Variants in BMI1 observed in about 807,000 individuals in gnomAD.
BMI1 encodes the protein BMI1 proto-oncogene, polycomb ring finger, also known as polycomb complex protein BMI-1.
BMI1 carries 9 observed loss-of-function variants against 39.1 expected under a neutral mutation model. The observed-to-expected ratio is 0.23, with a 90% confidence interval of 0.14 to 0.40. The LOEUF (loss-of-function observed/expected upper bound fraction) is 0.40. BMI1 is among the 10% of genes least tolerant of loss of function. The pLI, the probability that BMI1 is intolerant of heterozygous loss-of-function variation, is 1.00. For synonymous variants in BMI1, 131 were observed against 127.9 expected, an observed-to-expected ratio of 1.02 and a Z score of -0.16; for missense variants, 252 against 390.8, an observed-to-expected ratio of 0.64 and a Z score of 2.99.
intron 2 of BMI1, 52 bp from the exon 3 acceptor site, chr10:22,326,838 A>G: frequency 6.3e-7 from 1 of 1,598,250 alleles, no homozygotes; most frequent in Non-Finnish European, 8.5e-7. Flanking sequence ...AACACCAATG[A>G]TTTATCCACT....
In BMI1 at chr10:22,328,147, G is replaced by A. The variant is rs762162726; in HGVS notation, c.439G>A (p.Val147Ile). 2 of 1,601,010 alleles carry A rather than the reference G, an allele frequency of 1.2e-6. No individual in the cohort carries two copies. Among genetic ancestry groups the A allele is most frequent in the Non-Finnish European group, 1.7e-6 (2 of 1,176,324 alleles). The change falls in exon 7 of 10, where the codon GTA (valine) becomes ATA (isoleucine). Residue 147 changes from valine to isoleucine, a missense_variant. By Grantham distance (29) the Val-to-Ile change is conservative (BLOSUM62 3). Coordinates refer to ENST00000376663, the MANE Select transcript of BMI1 (RefSeq NM_005180.9). ...TCTCTTTATTAGATTGGATCGGAAA[G>A]TAAACAAAGACAAAGAGAAATCTAA... Reference protein sequence around the residue: ...FFDQNRLDRKVNKDKEKSKEE... With the variant: ...FFDQNRLDRKINKDKEKSKEE...
At chr10:22,326,818 C>A in intron 2 of BMI1, 72 bp from the exon 3 acceptor site, 1 of 1,560,212 alleles carries the variant, frequency 6.4e-7, no homozygotes, top group East Asian at 2.2e-5. Flanking sequence ...TCTACTAGTT[C>A]TGGGTTTCTA....
chr10:22,326,840 T>G, intron 2 of BMI1, 50 bp from the exon 3 acceptor site: 1 of 1,599,486 alleles, frequency 6.3e-7, no homozygotes, highest in Non-Finnish European at 8.5e-7. Context: ...CACCAATGAT[T>G]TATCCACTCA....
intron 7 of BMI1, among the ~76,000 whole-genome samples, 157 bp downstream of exon 7, chr10:22,328,336 AGAATTTATTTTATATATG>A (rs1836205968): frequency 6.6e-6 from 1 of 152,134 alleles, no homozygotes. Context: ...TTTAATAATT[AGAATTTATTTTATATATG>A]ATTGTTAGTC....
At chr10:22,326,803 T>G (rs1836165217) in intron 2 of BMI1, 87 bp from the exon 3 acceptor site, 1 of 1,509,116 alleles carries the variant, frequency 6.6e-7, no homozygotes, top group Non-Finnish European at 9.1e-7. Context: ...TTCACCATCT[T>G]GTTTTCTACT....
At chr10:22,327,126 G>C in intron 3 of BMI1, 140 bp downstream of exon 3, 1 of 965,710 alleles carries the variant, frequency 1.0e-6, no homozygotes, top group Non-Finnish European at 1.5e-6. Context: ...GAGGGTAGCC[G>C]TTTAATTTCT....
At chr10:22,325,685 GC>G (rs1836130020) in intron 1 of BMI1, 1 of 149,688 alleles carries the variant, frequency 6.7e-6, no homozygotes, top group Non-Finnish European at 1.5e-5. Flanking sequence ...CTCGGGCCGG[GC>G]TCCGCGCGGA....
intron 1 of BMI1, chr10:22,325,851 G>C (rs1343293829): frequency 6.6e-6 from 1 of 152,136 alleles, no homozygotes; most frequent in Non-Finnish European, 1.5e-5. Context: ...CTCAGGCCCC[G>C]GCCCAGGCCG....
chr10:22,326,569 C>CCA lies in BMI1; in HGVS notation c.112+9_112+10insAC. The CCA allele has an allele frequency of 6.2e-7, 1 of 1,612,414 alleles. No individual in the cohort carries two copies. Among genetic ancestry groups the CCA allele is most frequent in the Non-Finnish European group, 8.5e-7 (1 of 1,179,416 alleles). The stretch of plus-strand genomic sequence containing the variant: ...TAGAATGTCTACATTCCTGTAAGTA[C>CCA]CGAGCTTTAGCTCTCTTTTGTATCA... On this transcript the variant is annotated intron_variant, in intron 2 of 9. Coordinates refer to ENST00000376663, the MANE Select transcript of BMI1 (RefSeq NM_005180.9).
In BMI1 at chr10:22,330,852, C is replaced by T. The variant is rs545621307; in HGVS notation, c.*1310C>T. ...TGTTGAATTTAAAATATGAATAACC[C>T]CACCCAACAATTTTCAGTTTATTTT... is the stretch of plus-strand genomic sequence containing the variant. On this transcript the variant is annotated 3_prime_UTR_variant, in exon 10 of 10. Coordinates refer to ENST00000376663, the MANE Select transcript of BMI1 (RefSeq NM_005180.9). 6.6e-6 allele frequency: 1 copy of T among 152,578 alleles called. No individual in the cohort carries two copies. The highest frequency in any genetic ancestry group is 2.1e-4 in the South Asian group (1 of 4,822). The allele number at this position is 152,578 out of a possible 1,614,324, so 9.5% of individuals were successfully genotyped here. A position where few individuals can be genotyped will look rare whatever the true frequency, so the allele number is the denominator to read the frequency against.
chr10:22,326,540 A>G lies in BMI1; in HGVS notation c.91A>G (p.Ile31Val), dbSNP rs748955471. Residue 31 changes from isoleucine to valine, a missense_variant, in exon 2 of 10, where the codon ATA (isoleucine) becomes GTA (valine). Transcript: ENST00000376663. ...AGGGTACTTCATTGATGCCACAACCATAATAGAATGTCTACATTCCTGTAA... is the reference window on the plus strand; with the variant it reads ...AGGGTACTTCATTGATGCCACAACCGTAATAGAATGTCTACATTCCTGTAA... The part of the protein sequence containing the change: ...CGGYFIDATT[I>V]IECLHSFCKT... 43 of 1,612,734 alleles carry G rather than the reference A, an allele frequency of 2.7e-5. No homozygotes were observed. The highest frequency in any genetic ancestry group is 3.5e-5 in the Non-Finnish European group (41 of 1,179,562).
Position 22,329,123 on chromosome 10 carries a change from A to AG in BMI1, c.647dup (p.Arg217LysfsTer16). 1 of 1,612,722 alleles carries AG rather than the reference A, an allele frequency of 6.2e-7. No homozygotes were observed. On this transcript the variant is annotated frameshift_variant, in exon 9 of 10. Transcript: ENST00000376663. LOFTEE classifies it high-confidence loss of function. ...GGATATTGCCTACATTTATACCTGG[A>AG]GAAGGGTAAGTAGCATATCTGTTGT...
At position 22,330,115 on chromosome 10, in the gene BMI1, G is replaced by T. The variant is rs994014264; in HGVS notation, c.*573G>T. 3 of 152,984 alleles carry T rather than the reference G, an allele frequency of 2.0e-5. No individual in the cohort carries two copies. The highest frequency in any genetic ancestry group is 7.2e-5 in the African/African-American group (3 of 41,456). The allele number at this position is 152,984 out of a possible 1,614,324, so 9.5% of individuals were successfully genotyped here. A position where few individuals can be genotyped will look rare whatever the true frequency, so the allele number is the denominator to read the frequency against. On this transcript the variant is annotated 3_prime_UTR_variant, in exon 10 of 10. Transcript: ENST00000376663. ...GCTACGCAAAACCGATCAAAGAAAA[G>T]TGAACTTCAGTTTTACAATCTGTAT... is the stretch of plus-strand genomic sequence containing the variant.
In BMI1 at chr10:22,329,499, G is replaced by A. The variant is rs374810543; in HGVS notation, c.938G>A (p.Arg313Gln). ...NHQSSFANRP[R>Q]KSSVNGSSAT... ...CAATCTTCTTTTGCCAATAGACCTC[G>A]AAAATCATCAGTAAATGGGTCATCA... is the stretch of plus-strand genomic sequence containing the variant. Residue 313 changes from arginine (R) to glutamine (Q), a missense_variant, in exon 10 of 10, where the codon CGA becomes CAA. This residue lies in a region of BMI1 where 96 missense variants were observed against 120.2 expected (regional missense o/e 0.80). Coordinates refer to ENST00000376663, the MANE Select transcript of BMI1 (RefSeq NM_005180.9). 11 of 1,614,096 alleles carry A rather than the reference G, an allele frequency of 6.8e-6. No individual in the cohort carries two copies. Among genetic ancestry groups the A allele is most frequent in the South Asian group, 1.1e-5 (1 of 91,086 alleles).
chr10:22,324,928 A>G (rs1169396879), intron 1 of BMI1, among the ~76,000 whole-genome samples: 1 of 152,122 alleles, frequency 6.6e-6, no homozygotes, highest in Non-Finnish European at 1.5e-5. Context: ...TGGGAATATC[A>G]TTTCATCGTA....
At position 22,330,070 on chromosome 10, in the gene BMI1, T is replaced by A. The variant is rs1298181433; in HGVS notation, c.*528T>A. On this transcript the variant is annotated 3_prime_UTR_variant, in exon 10 of 10. Transcript: ENST00000376663. ...CATATTTAGCCATTTTGATTCCTGTTTGATTTATACTTCTCTGTTGCTACG... is the reference window on the plus strand; with the variant it reads ...CATATTTAGCCATTTTGATTCCTGTATGATTTATACTTCTCTGTTGCTACG... The A allele has an allele frequency of 6.5e-6, 1 of 153,522 alleles. No individual in the cohort carries two copies. The highest frequency in any genetic ancestry group is 1.5e-5 in the Non-Finnish European group (1 of 68,690). 9.5% of individuals were successfully genotyped at this position (153,522 alleles called of 1,614,324 possible).
chr10:22,328,940 A>G, intron 8 of BMI1, 108 bp from the exon 9 acceptor site: 1 of 1,211,824 alleles, frequency 8.3e-7, no homozygotes, highest in Non-Finnish European at 1.1e-6. Context: ...CTTTGTTAAA[A>G]TGTTTGGAGA....
chr10:22,327,304 C>T (rs984985491), intron 3 of BMI1, among the ~76,000 whole-genome samples: 10 of 152,074 alleles, frequency 6.6e-5, no homozygotes, highest in Non-Finnish European at 1.5e-5. Flanking sequence ...GCTTCCATTC[C>T]TCTTTATTCC....
rs1024594524 is a variant in BMI1, at chr10:22,330,139, A to G, written c.*597A>G. The G allele has an allele frequency of 6.5e-6, 1 of 153,316 alleles. No homozygotes were observed. The highest frequency in any genetic ancestry group is 6.5e-5 in the Admixed American group (1 of 15,366). 9.5% of individuals were successfully genotyped at this position (153,316 alleles called of 1,614,324 possible). The stretch of plus-strand genomic sequence containing the variant: ...AGTGAACTTCAGTTTTACAATCTGT[A>G]TGCCTAAAAGCGGGTACTACCGTTT... On this transcript the variant is annotated 3_prime_UTR_variant, in exon 10 of 10. Coordinates refer to ENST00000376663, the MANE Select transcript of BMI1 (RefSeq NM_005180.9).
Sources: gnomAD v4.1 joint callset for allele counts (sites outside exome capture counted in the v4.1 genomes callset) on GRCh38, gnomAD v4.1.1 for gene constraint, gnomAD v4.1.1 regional missense constraint, MANE v1.5 for transcripts, NCBI Gene and HGNC (gene_info 2026-07-23, HGNC 2026-07-21) for gene names.